The following MRTFB variants were observed in gnomAD, a reference collection of about 807,000 sequenced individuals.
The protein encoded by MRTFB is myocardin-related transcription factor B.
MRTFB carries 29 observed loss-of-function variants against 104.2 expected under a neutral mutation model. The ratio of observed to expected loss-of-function variants is 0.28; its 90% CI spans 0.21 to 0.38. MRTFB has a LOEUF of 0.38. MRTFB is among the 10% of genes least tolerant of loss of function. The probability of loss-of-function intolerance (pLI) is 1.00; values close to 1 mark genes in which losing one functional copy is unlikely to be tolerated. For missense variants in MRTFB, 1,270 were observed against 1,341.6 expected, an observed-to-expected ratio of 0.95 and a Z score of 0.83; for synonymous variants, 535 against 519.5, an observed-to-expected ratio of 1.03 and a Z score of -0.41.
chr16:14,185,226 G>A (rs2039911052), intron 3 of MRTFB, among the ~76,000 whole-genome samples: 1 of 152,188 alleles, frequency 6.6e-6, no homozygotes, highest in Non-Finnish European at 1.5e-5. Context: ...TTGACAAGAA[G>A]CATGTCCTGT....
At position 14,260,905 on chromosome 16, in the gene MRTFB, A is replaced by G. The variant is rs2043748090; in HGVS notation, c.2765-4A>G. The G allele has an allele frequency of 6.3e-7, 1 of 1,585,854 alleles. No homozygotes were observed. Among genetic ancestry groups the G allele is most frequent in the Non-Finnish European group, 8.6e-7 (1 of 1,167,620 alleles). ...TTACTAATTACTTCATTTATTTTAC[A>G]CAGAGATCTCCCTCCCCATAAAAGA... On this transcript the variant is annotated splice_region_variant and splice_polypyrimidine_tract_variant and intron_variant, in intron 16 of 16. Transcript: ENST00000571589.
intron 2 of MRTFB, among the ~76,000 whole-genome samples, chr16:14,127,927 ATATTTT>A (rs1330666026): frequency 3.4e-4 from 13 of 38,788 alleles, no homozygotes; most frequent in Non-Finnish European, 4.6e-4. Context: ...ATATATATAT[ATATTTT>A]TTTTTTTTTT....
chr16:14,101,293 T>C (rs2035691826), intron 2 of MRTFB, among the ~76,000 whole-genome samples: 1 of 152,152 alleles, frequency 6.6e-6, no homozygotes, highest in South Asian at 2.1e-4. Context: ...TCTTATAGTG[T>C]AATAACTATG....
intron 2 of MRTFB, among the ~76,000 whole-genome samples, chr16:14,115,939 A>G (rs1423326995): frequency 6.6e-6 from 1 of 152,170 alleles, no homozygotes; most frequent in Non-Finnish European, 1.5e-5. Context: ...CACCTGGATC[A>G]CAGGGGCCTC....
chr16:14,141,532 C>T (rs1367184559), intron 3 of MRTFB: 2 of 151,986 alleles, frequency 1.3e-5, no homozygotes, highest in Non-Finnish European at 2.9e-5. Context: ...CTGATGAGTC[C>T]CACACTCACA....
At chr16:14,224,090 A>AGAGCGAGC (rs200126854) in intron 8 of MRTFB, among the ~76,000 whole-genome samples, 17 of 152,142 alleles carry the variant, frequency 1.1e-4, no homozygotes, top group African/African-American at 3.6e-4. Flanking sequence ...ACAGCAGGAG[A>AGAGCGAGC]GAGCGAGCGA....
chr16:14,168,352 A>T (rs1477920470), intron 3 of MRTFB, among the ~76,000 whole-genome samples: 1 of 152,158 alleles, frequency 6.6e-6, no homozygotes, highest in Non-Finnish European at 1.5e-5. Flanking sequence ...GATACAGAGC[A>T]TTGCTATCAC....
Position 14,263,850 on chromosome 16 carries a change from C to T in MRTFB, c.*2406C>T, listed in dbSNP as rs895852585. The stretch of plus-strand genomic sequence containing the variant: ...GCAAGCCACTCCACTTGCACCATTC[C>T]GCTTGACCCTCCTCTCTCCTGGCTT... On this transcript the variant is annotated 3_prime_UTR_variant, in exon 17 of 17. Coordinates refer to ENST00000571589, the MANE Select transcript of MRTFB (RefSeq NM_001308142.2). 3 of 152,170 alleles carry T rather than the reference C, an allele frequency of 2.0e-5. No homozygotes were observed. The highest frequency in any genetic ancestry group is 2.1e-4 in the South Asian group (1 of 4,820). 9.4% of individuals were successfully genotyped at this position (152,170 alleles called of 1,614,324 possible).
intron 8 of MRTFB, among the ~76,000 whole-genome samples, chr16:14,221,463 C>G (rs2151230211): frequency 6.6e-6 from 1 of 152,268 alleles, no homozygotes; most frequent in South Asian, 2.1e-4. Flanking sequence ...CAAGTACTTA[C>G]TTTACTTAAC....
At chr16:14,161,061 C>G (rs763624428) in intron 3 of MRTFB, among the ~76,000 whole-genome samples, 5 of 71,622 alleles carry the variant, frequency 7.0e-5, no homozygotes, top group Non-Finnish European at 1.1e-4. Context: ...CTATTCTGTT[C>G]TGTTTTAGTA....
chr16:14,108,955 C>T (rs1250324213), intron 2 of MRTFB, among the ~76,000 whole-genome samples: 6 of 152,166 alleles, frequency 3.9e-5, no homozygotes, highest in South Asian at 2.1e-4. Flanking sequence ...TGTAGTAATT[C>T]GAAAATTGTA....
intron 15 of MRTFB, among the ~76,000 whole-genome samples, chr16:14,252,932 C>G (rs1432988912): frequency 6.6e-6 from 1 of 152,120 alleles, no homozygotes; most frequent in Non-Finnish European, 1.5e-5. Flanking sequence ...TTGACTTGGT[C>G]TCTCTCTGGT....
chr16:14,020,138 C>T, the MRTFB span, among the ~76,000 whole-genome samples: 1 of 152,068 alleles, frequency 6.6e-6, no homozygotes, highest in Non-Finnish European at 1.5e-5. Flanking sequence ...TGGGTACCCC[C>T]TCCACTGTCC....
intron 15 of MRTFB, among the ~76,000 whole-genome samples, chr16:14,254,581 A>G (rs76893916): frequency 0.04 from 6,133 of 152,368 alleles, 164 homozygotes; most frequent in Middle Eastern, 0.082. Flanking sequence ...CCTAAGCCAT[A>G]CAGGCGTGGA....
At chr16:14,080,826 A>G (rs1327963551) in intron 2 of MRTFB, among the ~76,000 whole-genome samples, 2 of 152,226 alleles carry the variant, frequency 1.3e-5, no homozygotes, top group African/African-American at 4.8e-5. Flanking sequence ...ATGTTGTCAC[A>G]AATGACAGGA....
In MRTFB at chr16:14,246,701, C is replaced by A; in HGVS notation, c.1441C>A (p.Leu481Ile). Reference sequence around the variant, plus strand: ...CACTGTGACTAGCTCAGTCTCTACTCTCAAGGCAGAATTGCCACCTACAGG... The same window carrying A: ...CACTGTGACTAGCTCAGTCTCTACTATCAAGGCAGAATTGCCACCTACAGG... ...HNTVTSSVSTLKAELPPTGTS... is the reference protein window; with the variant it reads ...HNTVTSSVSTIKAELPPTGTS... Residue 481 changes from leucine (L) to isoleucine (I), a missense_variant, in exon 12 of 17, where the codon CTC becomes ATC. Transcript: ENST00000571589. 1.2e-6 allele frequency: 2 copies of A among 1,614,212 alleles called. No homozygotes were observed. The highest frequency in any genetic ancestry group is 1.7e-6 in the Non-Finnish European group (2 of 1,180,046).
intron 2 of MRTFB, among the ~76,000 whole-genome samples, chr16:14,136,639 C>T (rs2037736252): frequency 6.6e-6 from 1 of 152,052 alleles, no homozygotes; most frequent in Non-Finnish European, 1.5e-5. Context: ...TACCTTAGCC[C>T]AGTAGCCCAG....
the MRTFB span, among the ~76,000 whole-genome samples, chr16:14,017,711 A>ATATATATATATATATTTTTT: frequency 3.0e-5 from 1 of 33,612 alleles, no homozygotes; most frequent in Non-Finnish European, 5.0e-5. Flanking sequence ...ATATATATAT[A>ATATATATATATATATTTTTT]TTTTTTTTTT....
At chr16:13,996,250 T>G in the MRTFB span, among the ~76,000 whole-genome samples, 26 of 151,096 alleles carry the variant, frequency 1.7e-4, no homozygotes, top group African/African-American at 6.1e-4. Context: ...CCAGCCTGGG[T>G]GACAGAGTGA....
Sources: gnomAD v4.1 joint callset for allele counts (sites outside exome capture counted in the v4.1 genomes callset) on GRCh38, gnomAD v4.1.1 for gene constraint, MANE v1.5 for transcripts, NCBI Gene and HGNC (gene_info 2026-07-23, HGNC 2026-07-21) for gene names.